The following PREPL variants were observed in gnomAD, a reference collection of about 807,000 sequenced individuals.
PREPL encodes the protein prolyl endopeptidase-like.
In PREPL, 77 loss-of-function variants were observed where a neutral mutation model predicts 70.6. The observed-to-expected ratio is 1.09, with a 90% CI of 0.91 to 1.32. The LOEUF is 1.32. Among genes scored for constraint, PREPL ranks in the 40% most tolerant of loss-of-function variants. The probability of loss-of-function intolerance (pLI) is 0.00; values close to 1 mark genes in which losing one functional copy is unlikely to be tolerated. For missense variants in PREPL, 1,002 were observed against 778.2 expected, an observed-to-expected ratio of 1.29 and a Z score of -3.42; for synonymous variants, 315 against 264.8, an observed-to-expected ratio of 1.19 and a Z score of -1.84.
intron 1 of PREPL, among the ~76,000 whole-genome samples, chr2:44,352,510 C>T (rs1358208531): frequency 1.3e-5 from 2 of 152,190 alleles, no homozygotes; most frequent in Non-Finnish European, 2.9e-5. Flanking sequence ...AATGAGCCCA[C>T]CTCAGCCTCC....
chr2:44,322,781 G>A lies in PREPL; in HGVS notation c.1703C>T (p.Thr568Ile), dbSNP rs572873240. ...CGCGATGGCTTCCTTGAGTTTCTCA[G>A]TATAACTTACAATTCCTTTCAGAGG... ...RVPLKGIVSY[T>I]EKLKEAIAEH... Residue 568 changes from threonine (T) to isoleucine (I), a missense_variant, in exon 12 of 14, where the codon ACT becomes ATT. By Grantham distance (89) the Thr-to-Ile change is moderately conservative. Transcript: ENST00000409411. 1.1e-5 allele frequency: 18 copies of A among 1,613,872 alleles called. No individual in the cohort carries two copies. The highest frequency in any genetic ancestry group is 1.7e-4 in the Middle Eastern group (1 of 6,060).
intron 1 of PREPL, among the ~76,000 whole-genome samples, chr2:44,347,657 G>A (rs944264989): frequency 1.8e-4 from 27 of 152,172 alleles, no homozygotes; most frequent in Admixed American, 1.8e-3. Flanking sequence ...CCTTGTTTAA[G>A]CAAAAGGATT....
intron 1 of PREPL, among the ~76,000 whole-genome samples, chr2:44,349,737 G>A (rs897790673): frequency 6.6e-6 from 1 of 152,072 alleles, no homozygotes. Context: ...GGCCAAGGCG[G>A]GTGGATCACG....
At chr2:44,331,349 A>T (rs1410683845) in intron 8 of PREPL, among the ~76,000 whole-genome samples, 3 of 151,854 alleles carry the variant, frequency 2.0e-5, no homozygotes, top group Non-Finnish European at 4.4e-5. Flanking sequence ...TGAGTAGCTG[A>T]CATTACAGGC....
Position 44,319,095 on chromosome 2 carries a change from A to C in PREPL, c.*2261T>G, listed in dbSNP as rs1006576961. The C allele has an allele frequency of 6.6e-6, 1 of 152,620 alleles. No individual in the cohort carries two copies. Among genetic ancestry groups the C allele is most frequent in the African/African-American group, 2.4e-5 (1 of 41,468 alleles). The allele number at this position is 152,620 out of a possible 1,614,324, so 9.5% of individuals were successfully genotyped here. On this transcript the variant is annotated 3_prime_UTR_variant, in exon 14 of 14. Coordinates refer to ENST00000409411, the MANE Select transcript of PREPL (RefSeq NM_001171613.2). Reference sequence around the variant, plus strand: ...AATGTTAATAACTTAGACAAGTCATACATGTATCATAAATATCTTTGTACC... The same window carrying C: ...AATGTTAATAACTTAGACAAGTCATCCATGTATCATAAATATCTTTGTACC...
intron 5 of PREPL, 100 bp downstream of exon 5, chr2:44,342,317 G>T: frequency 4.5e-6 from 5 of 1,119,454 alleles, no homozygotes; most frequent in South Asian, 2.3e-5. Context: ...ATTATTCCTG[G>T]TTCCAACCAA....
In PREPL at chr2:44,323,336, C is replaced by T; in HGVS notation, c.1555G>A (p.Gly519Arg). The change falls in exon 11 of 14, where the codon GGG (glycine) becomes AGG (arginine). Residue 519 changes from glycine to arginine, a missense_variant. Physicochemically the swap from Gly to Arg is moderately radical, Grantham distance 125. Transcript: ENST00000409411. ...PLTLEELEEW[G>R]NPSSDEKHKN... ...TGTTTTTCATCAGATGAAGGATTCC[C>T]CCATTCTTCTAATTCTTCTAATGTC... 1 of 1,603,070 alleles carries T rather than the reference C, an allele frequency of 6.2e-7. No homozygotes were observed. Among genetic ancestry groups the T allele is most frequent in the African/African-American group, 1.3e-5 (1 of 74,670 alleles).
intron 1 of PREPL, among the ~76,000 whole-genome samples, chr2:44,351,040 C>T (rs765937232): frequency 5.9e-5 from 9 of 151,348 alleles, no homozygotes; most frequent in Non-Finnish European, 1.2e-4. Context: ...CTCCTGCCTC[C>T]GCCTCCTGAG....
Position 44,320,189 on chromosome 2 carries a change from A to T in PREPL, c.*1167T>A, listed in dbSNP as rs1300134016. The T allele has an allele frequency of 1.6e-5, 25 of 1,603,238 alleles. No individual in the cohort carries two copies. The highest frequency in any genetic ancestry group is 1.9e-5 in the Non-Finnish European group (22 of 1,171,482). The stretch of plus-strand genomic sequence containing the variant: ...CAAACACTTACGTAAATACTTTTTT[A>T]AAAAAATAGGTCCAAAAGACTCAGC... On this transcript the variant is annotated 3_prime_UTR_variant, in exon 14 of 14. Coordinates refer to ENST00000409411, the MANE Select transcript of PREPL (RefSeq NM_001171613.2).
chr2:44,333,351 C>A (rs757280779), intron 7 of PREPL, among the ~76,000 whole-genome samples: 2 of 152,194 alleles, frequency 1.3e-5, no homozygotes, highest in Non-Finnish European at 1.5e-5. Context: ...AAGCCTTGCA[C>A]TAACATCCCT....
rs1224783949 is a variant in PREPL at position 44,320,446 on chromosome 2, T to A, written c.*910A>T. ...CTTCCCGCTAAAATGAGAATAAGGT[T>A]AAGTACCAATTCTGCCGACAAAGGC... On this transcript the variant is annotated 3_prime_UTR_variant, in exon 14 of 14. Transcript: ENST00000409411. The A allele has an allele frequency of 6.2e-7, 1 of 1,613,992 alleles. No individual in the cohort carries two copies. The highest frequency in any genetic ancestry group is 1.3e-5 in the African/African-American group (1 of 74,932).
intron 13 of PREPL, 186 bp downstream of exon 13, chr2:44,321,641 T>C (rs1672958476): frequency 6.7e-7 from 1 of 1,499,420 alleles, no homozygotes; most frequent in Non-Finnish European, 8.9e-7. Context: ...AGCTCACGTA[T>C]CAAGTACAAG....
chr2:44,325,557 A>G (rs946897103), intron 10 of PREPL, among the ~76,000 whole-genome samples: 2 of 152,240 alleles, frequency 1.3e-5, no homozygotes, highest in Non-Finnish European at 2.9e-5. Flanking sequence ...AGTCTTCACT[A>G]TAATAAGCAA....
At chr2:44,340,890 T>C (rs1675143896) in intron 5 of PREPL, among the ~76,000 whole-genome samples, 1 of 147,786 alleles carries the variant, frequency 6.8e-6, no homozygotes. Context: ...ATTGCGCCAC[T>C]GCACTCCAGT....
chr2:44,324,558 T>A (rs557735442), intron 10 of PREPL, among the ~76,000 whole-genome samples: 1 of 152,282 alleles, frequency 6.6e-6, no homozygotes, highest in East Asian at 1.9e-4. Flanking sequence ...CCCATTGGCT[T>A]ATAATTAGTG....
At chr2:44,326,344 T>C (rs17426225) in intron 10 of PREPL, among the ~76,000 whole-genome samples, 6,606 of 152,082 alleles carry the variant, frequency 0.043, 208 homozygotes, top group Non-Finnish European at 0.064. Context: ...GTTATACTCC[T>C]ATGCTATGGT....
At chr2:44,336,767 G>C (rs1427819555) in intron 7 of PREPL, among the ~76,000 whole-genome samples, 3 of 152,096 alleles carry the variant, frequency 2.0e-5, no homozygotes, top group African/African-American at 7.2e-5. Flanking sequence ...CACTCCAGCA[G>C]ATGAAGACAA....
Position 44,344,555 on chromosome 2 carries a change from T to C in PREPL, c.107A>G (p.Glu36Gly). The change falls in exon 3 of 14, where the codon GAA (glutamate) becomes GGA (glycine). Residue 36 changes from glutamate to glycine, a missense_variant. Physicochemically the swap from Glu to Gly is moderately conservative, Grantham distance 98 (BLOSUM62 -2). Coordinates refer to ENST00000409411, the MANE Select transcript of PREPL (RefSeq NM_001171613.2). ...VKHGGFVYYQ[E>G]GCCLVRSKDE... ...TTTGGAACGAACCAAGCAACAACCT[T>C]CTTGGTAATAAACAAAACCACCATG... 1 of 1,604,524 alleles carries C rather than the reference T, an allele frequency of 6.2e-7. No individual in the cohort carries two copies. Among genetic ancestry groups the C allele is most frequent in the Non-Finnish European group, 8.5e-7 (1 of 1,175,856 alleles).
chr2:44,318,367 G>C lies in PREPL; in HGVS notation c.*2989C>G, dbSNP rs547863550. ...TTGCCTCCCAAAGTGCTAGGATTAC[G>C]GGCCTGAGCCACCTTGCCTGGCCTG... On this transcript the variant is annotated 3_prime_UTR_variant, in exon 14 of 14. Coordinates refer to ENST00000409411, the MANE Select transcript of PREPL (RefSeq NM_001171613.2). 33 of 187,674 alleles carry C rather than the reference G, an allele frequency of 1.8e-4. No individual in the cohort carries two copies. In the South Asian group the frequency reaches 2.3e-3, roughly 13 times the overall value. The allele number at this position is 187,674 out of a possible 1,614,324, so 11.6% of individuals were successfully genotyped here. A position where few individuals can be genotyped will look rare whatever the true frequency, so the allele number is the denominator to read the frequency against.
Sources: gnomAD v4.1 joint callset for allele counts (sites outside exome capture counted in the v4.1 genomes callset) on GRCh38, gnomAD v4.1.1 for gene constraint, MANE v1.5 for transcripts, NCBI Gene and HGNC (gene_info 2026-07-23, HGNC 2026-07-21) for gene names.